FAT3: variants seen among roughly 807,000 people sequenced by gnomAD.
FAT3 encodes FAT atypical cadherin 3, also known as protocadherin Fat 3.
FAT3 carries 95 observed loss-of-function variants against 310.2 expected under a neutral mutation model. That is an observed-to-expected ratio of 0.31 (90% CI 0.26 to 0.36). The LOEUF is 0.36. Ranked by LOEUF, FAT3 falls within the 10% of genes least tolerant of loss-of-function variation. The probability of loss-of-function intolerance (pLI) is 1.00; values close to 1 mark genes in which losing one functional copy is unlikely to be tolerated. For synonymous variants in FAT3, 2,314 were observed against 2,192.9 expected, an observed-to-expected ratio of 1.06 and a Z score of -1.54; for missense variants, 5,408 against 5,715.6, an observed-to-expected ratio of 0.95 and a Z score of 1.74.
intron 4 of FAT3, among the ~76,000 whole-genome samples, chr11:92,712,444 G>A (rs1464734491): frequency 3.9e-5 from 6 of 152,130 alleles, no homozygotes. Flanking sequence ...CCCTTTTTGA[G>A]AGTAAAAATG....
chr11:92,817,236 A>G (rs1051178032), intron 13 of FAT3, among the ~76,000 whole-genome samples: 31 of 152,272 alleles, frequency 2.0e-4, no homozygotes, highest in Middle Eastern at 3.4e-3. Flanking sequence ...TAAGAAATGA[A>G]GAAGAGAACA....
rs533082460 is a variant in FAT3 at position 92,528,198 on chromosome 11, T to C, written c.3607+3250T>C. On this transcript the variant is annotated intron_variant, in intron 3 of 27. Transcript: ENST00000525166. ...ATCTAGAATCACGTAGAATCAGTAG[T>C]CTGTGGACTTTCTTTAGTAATTCCT... Among the ~76,000 whole-genome samples, 29 of 152,314 alleles carry C rather than the reference T, an allele frequency of 1.9e-4. 1 individual carries two copies. Among genetic ancestry groups the C allele is most frequent in the Middle Eastern group, 6.8e-3 (2 of 294 alleles).
chr11:92,402,731 C>CAA (rs545875608), intron 2 of FAT3, among the ~76,000 whole-genome samples: 204 of 124,002 alleles, frequency 1.6e-3, no homozygotes, highest in African/African-American at 4.7e-3. Flanking sequence ...GACCCCCTCT[C>CAA]AAAAAAAAAA....
intron 2 of FAT3, among the ~76,000 whole-genome samples, chr11:92,402,962 A>G (rs1008071708): frequency 2.0e-4 from 30 of 152,140 alleles, no homozygotes; most frequent in African/African-American, 6.5e-4. Flanking sequence ...AGGGACATAA[A>G]GAAGTGGAAT....
intron 1 of FAT3, among the ~76,000 whole-genome samples, chr11:92,302,780 C>T (rs1238465144): frequency 6.6e-6 from 1 of 151,802 alleles, no homozygotes; most frequent in African/African-American, 2.4e-5. Flanking sequence ...GATTAATTTT[C>T]TGGTAGTGTT....
intron 1 of FAT3, among the ~76,000 whole-genome samples, chr11:92,257,073 A>G (rs191203882): frequency 6.6e-6 from 1 of 152,118 alleles, no homozygotes; most frequent in Non-Finnish European, 1.5e-5. Flanking sequence ...CTTAAAAAAA[A>G]ATATCCAAAT....
chr11:92,442,121 T>A, intron 2 of FAT3, among the ~76,000 whole-genome samples: 1 of 106,386 alleles, frequency 9.4e-6, no homozygotes, highest in African/African-American at 4.7e-5. Flanking sequence ...ATTTTTTTTT[T>A]TTTTTTTTTT....
At chr11:92,226,067 G>A (rs1863894403) in intron 1 of FAT3, among the ~76,000 whole-genome samples, 2 of 152,168 alleles carry the variant, frequency 1.3e-5, no homozygotes, top group African/African-American at 2.4e-5. Flanking sequence ...GGTTCGGGAC[G>A]AATCCCCTCT....
chr11:92,832,263 G>C (rs1282910604), intron 14 of FAT3, among the ~76,000 whole-genome samples: 1 of 152,118 alleles, frequency 6.6e-6, no homozygotes, highest in East Asian at 1.9e-4. Context: ...TTGAGCCCAG[G>C]AGCTAGAGGC....
At chr11:92,333,897 C>A (rs113815141) in intron 1 of FAT3, among the ~76,000 whole-genome samples, 1 of 152,024 alleles carries the variant, frequency 6.6e-6, no homozygotes, top group African/African-American at 2.4e-5. Context: ...CCCCCTCCCC[C>A]CCAACAAAAG....
At chr11:92,702,751 A>G (rs952360633) in intron 4 of FAT3, among the ~76,000 whole-genome samples, 1 of 152,222 alleles carries the variant, frequency 6.6e-6, no homozygotes, top group Admixed American at 6.5e-5. Flanking sequence ...TTGCTTGCTG[A>G]AGAGTATTAT....
At chr11:92,515,547 C>T (rs1953451011) in intron 2 of FAT3, among the ~76,000 whole-genome samples, 2 of 151,950 alleles carry the variant, frequency 1.3e-5, no homozygotes. Context: ...ATTAAATAGA[C>T]AATATGGTTT....
At chr11:92,638,542 G>C (rs1270020842) in intron 3 of FAT3, among the ~76,000 whole-genome samples, 1 of 152,194 alleles carries the variant, frequency 6.6e-6, no homozygotes, top group Non-Finnish European at 1.5e-5. Flanking sequence ...ATTGCTTGGA[G>C]TTGTATTTAA....
intron 24 of FAT3, among the ~76,000 whole-genome samples, chr11:92,885,913 G>T (rs1949784778): frequency 6.6e-6 from 1 of 152,146 alleles, no homozygotes; most frequent in African/African-American, 2.4e-5. Context: ...CAACTCCTGT[G>T]GCCTCAGCCT....
At chr11:92,771,443 T>C (rs1406779493) in intron 6 of FAT3, among the ~76,000 whole-genome samples, 1 of 151,066 alleles carries the variant, frequency 6.6e-6, no homozygotes, top group African/African-American at 2.4e-5. Flanking sequence ...TGTGTGAGGG[T>C]TGATGGTAAA....
intron 2 of FAT3, among the ~76,000 whole-genome samples, chr11:92,395,928 T>C (rs1042733332): frequency 3.3e-5 from 5 of 152,048 alleles, no homozygotes; most frequent in Non-Finnish European, 5.9e-5. Flanking sequence ...GCTCCTTTTT[T>C]CTCCTTCTAT....
At chr11:92,338,291 G>T (rs1048252040) in intron 1 of FAT3, among the ~76,000 whole-genome samples, 6 of 152,100 alleles carry the variant, frequency 3.9e-5, no homozygotes, top group African/African-American at 7.2e-5. Context: ...ATACTCAGGG[G>T]TGGCCTAGAA....
chr11:92,454,194 C>T (rs998940107), intron 2 of FAT3, among the ~76,000 whole-genome samples: 3 of 152,118 alleles, frequency 2.0e-5, no homozygotes, highest in Non-Finnish European at 4.4e-5. Context: ...AGACTAGTTC[C>T]ATTTCAAGAA....
At chr11:92,290,704 C>T (rs1202324979) in intron 1 of FAT3, among the ~76,000 whole-genome samples, 1 of 151,248 alleles carries the variant, frequency 6.6e-6, no homozygotes, top group Non-Finnish European at 1.5e-5. Flanking sequence ...GCAGAGGTTT[C>T]AGTGAGGCGA....
Sources: allele counts gnomAD v4.1 joint callset (sites outside exome capture counted in the v4.1 genomes callset), GRCh38; gene constraint gnomAD v4.1.1; transcripts MANE v1.5; gene names NCBI Gene and HGNC (gene_info 2026-07-23, HGNC 2026-07-21).